Variants in MED13L observed in about 807,000 individuals in gnomAD.
MED13L encodes mediator of RNA polymerase II transcription subunit 13-like.
Under a neutral mutation model 220.9 loss-of-function variants are expected in MED13L, and 7 were observed. The ratio of observed to expected loss-of-function variants is 0.03; its 90% CI spans 0.02 to 0.06. MED13L has a LOEUF of 0.06. MED13L is among the 10% of genes least tolerant of loss of function. MED13L has a pLI of 1.00. For missense variants in MED13L, 1,965 were observed against 2,760.5 expected (o/e 0.71, Z 6.46); for synonymous variants, 1,011 against 1,015.2 (o/e 1.00, Z 0.08).
At chr12:116,189,665 G>C (rs945565776) in intron 2 of MED13L, among the ~76,000 whole-genome samples, 1 of 152,140 alleles carries the variant, frequency 6.6e-6, no homozygotes, top group African/African-American at 2.4e-5. Context: ...TAAAGTTTGA[G>C]ACAGGTCAGG....
chr12:116,037,966 T>C (rs904788030), intron 4 of MED13L, among the ~76,000 whole-genome samples: 7 of 152,178 alleles, frequency 4.6e-5, no homozygotes, highest in East Asian at 1.9e-4. Flanking sequence ...TACGTAAGAT[T>C]TGAGGATTAT....
chr12:116,104,812 C>G (rs1452304681), intron 3 of MED13L, among the ~76,000 whole-genome samples: 6 of 152,146 alleles, frequency 3.9e-5, no homozygotes. Flanking sequence ...TTAAAGTATA[C>G]TACTGCACAT....
intron 2 of MED13L, among the ~76,000 whole-genome samples, chr12:116,191,906 C>G (rs1309372382): frequency 6.6e-6 from 1 of 151,828 alleles, no homozygotes; most frequent in Non-Finnish European, 1.5e-5. Context: ...TTCAAATCAC[C>G]GAGGAACTAT....
Position 115,979,276 on chromosome 12 carries a change from C to T in MED13L, c.5364+1474G>A, listed in dbSNP as rs576859024. Among the ~76,000 whole-genome samples, 18 of 152,332 alleles carry T rather than the reference C, an allele frequency of 1.2e-4. No homozygotes were observed. In the South Asian group the frequency reaches 3.7e-3, roughly 32 times the overall value. ...TTGCCATTTATTTTAATCTAAACCT[C>T]ACTTTATCTTATGAGCTCCTGATGG... On this transcript the variant is annotated intron_variant, in intron 23 of 30. Transcript: ENST00000281928.
chr12:116,006,554 A>G (rs891737814), intron 11 of MED13L, 143 bp from the exon 12 acceptor site: 55 of 731,926 alleles, frequency 7.5e-5, no homozygotes, highest in Non-Finnish European at 1.2e-4. Flanking sequence ...CAACCAAAGG[A>G]AGTAAAAGAT....
chr12:116,156,630 A>G, intron 2 of MED13L, among the ~76,000 whole-genome samples: 1 of 152,314 alleles, frequency 6.6e-6, no homozygotes, highest in South Asian at 2.1e-4. Flanking sequence ...GTTTAAGTTC[A>G]GAAGAGGTTT....
Position 116,007,392 on chromosome 12 carries a change from T to A in MED13L, c.2238+19A>T, listed in dbSNP as rs754457541. On this transcript the variant is annotated intron_variant, in intron 11 of 30. Coordinates refer to ENST00000281928, the MANE Select transcript of MED13L (RefSeq NM_015335.5). ...TAGAAACCCACACCATGCTGGACTC[T>A]CTCTCTGTTAAATGGTACCTTATTC... 1.3e-6 allele frequency: 2 copies of A among 1,595,896 alleles called. No homozygotes were observed. The highest frequency in any genetic ancestry group is 2.2e-5 in the South Asian group (2 of 90,690).
chr12:116,218,917 G>A lies in MED13L; in HGVS notation c.310+18551C>T, dbSNP rs529393190. Among the ~76,000 whole-genome samples, 7 of 151,974 alleles carry A rather than the reference G, an allele frequency of 4.6e-5. No individual in the cohort carries two copies. In the South Asian group the frequency reaches 1.5e-3, roughly 32 times the overall value. On this transcript the variant is annotated intron_variant, in intron 2 of 30. Coordinates refer to ENST00000281928, the MANE Select transcript of MED13L (RefSeq NM_015335.5). ...CCTGGCTAATTTTTTTTGTATTTTTGTAGAGACAGGATTTCACCATATTGC... is the reference window on the plus strand; with the variant it reads ...CCTGGCTAATTTTTTTTGTATTTTTATAGAGACAGGATTTCACCATATTGC...
intron 2 of MED13L, among the ~76,000 whole-genome samples, chr12:116,140,926 T>C (rs1877013835): frequency 6.6e-6 from 1 of 152,222 alleles, no homozygotes; most frequent in Admixed American, 6.5e-5. Context: ...AAATTCCTTG[T>C]CCAAAGGGGC....
chr12:116,207,156 C>CT (rs60517165), intron 2 of MED13L, among the ~76,000 whole-genome samples: 91 of 144,926 alleles, frequency 6.3e-4, no homozygotes, highest in South Asian at 4.0e-3. Context: ...TTTACTGCAC[C>CT]TTTTTTTTTT....
chr12:116,230,206 C>A (rs1182056886), intron 2 of MED13L, among the ~76,000 whole-genome samples: 2 of 152,024 alleles, frequency 1.3e-5, no homozygotes, highest in Non-Finnish European at 2.9e-5. Flanking sequence ...GAGTTCAAGA[C>A]CAGCCTGGCC....
At chr12:116,082,011 T>A (rs1354366711) in intron 4 of MED13L, among the ~76,000 whole-genome samples, 10 of 152,218 alleles carry the variant, frequency 6.6e-5, no homozygotes, top group Admixed American at 5.2e-4. Context: ...GTGAGTGATA[T>A]AGAATTAAAT....
chr12:116,144,527 T>C (rs1338747511), intron 2 of MED13L, among the ~76,000 whole-genome samples: 12 of 152,236 alleles, frequency 7.9e-5, no homozygotes, highest in Non-Finnish European at 2.9e-5. Context: ...GCATGCTCAA[T>C]ATAAGTTCTG....
intron 21 of MED13L, among the ~76,000 whole-genome samples, 193 bp downstream of exon 21, chr12:115,982,924 T>C (rs1877428797): frequency 6.6e-6 from 1 of 152,222 alleles, no homozygotes. Context: ...TTATAATTCA[T>C]AATAATTTAT....
At chr12:116,209,217 C>G (rs1465922207) in intron 2 of MED13L, among the ~76,000 whole-genome samples, 2 of 152,016 alleles carry the variant, frequency 1.3e-5, no homozygotes, top group Non-Finnish European at 2.9e-5. Context: ...GTTTAGGTAC[C>G]ACTACCTGTG....
At chr12:116,184,438 A>G (rs557538067) in intron 2 of MED13L, among the ~76,000 whole-genome samples, 28 of 152,316 alleles carry the variant, frequency 1.8e-4, no homozygotes, top group Admixed American at 1.6e-3. Context: ...TGGCAACTAG[A>G]CAATGTCTCA....
At chr12:116,192,288 T>C (rs1881337548) in intron 2 of MED13L, among the ~76,000 whole-genome samples, 1 of 152,168 alleles carries the variant, frequency 6.6e-6, no homozygotes, top group Admixed American at 6.5e-5. Flanking sequence ...GCCAACATAG[T>C]TGGGGAAATT....
chr12:116,158,473 GTA>G (rs1878609617), intron 2 of MED13L, among the ~76,000 whole-genome samples: 1 of 152,168 alleles, frequency 6.6e-6, no homozygotes, highest in African/African-American at 2.4e-5. Context: ...CAGTAGTGGA[GTA>G]TATGTCTACG....
chr12:116,110,240 G>C (rs1477085918), intron 3 of MED13L: 1 of 152,242 alleles, frequency 6.6e-6, no homozygotes, highest in African/African-American at 2.4e-5. Flanking sequence ...CCATCACAAA[G>C]GGGCTTCCTC....
Sources: gnomAD v4.1 joint callset for allele counts (sites outside exome capture counted in the v4.1 genomes callset) on GRCh38, gnomAD v4.1.1 for gene constraint, MANE v1.5 for transcripts, NCBI Gene and HGNC (gene_info 2026-07-23, HGNC 2026-07-21) for gene names.